Variants in NR3C1 observed in about 807,000 individuals in gnomAD.
The protein encoded by NR3C1 is glucocorticoid receptor.
In NR3C1, 14 loss-of-function variants were observed where a neutral mutation model predicts 74.0. The observed-to-expected ratio is 0.19, with a 90% confidence interval of 0.12 to 0.30. The LOEUF is 0.30. NR3C1 is among the 10% of genes least tolerant of loss of function. NR3C1 has a pLI of 1.00. For synonymous variants in NR3C1, 308 were observed against 332.5 expected (o/e 0.93, Z 0.80); for missense variants, 695 against 909.8 (o/e 0.76, Z 3.04).
intron 1 of NR3C1, 30 bp downstream of exon 1, chr5:143,403,181 G>C (rs946489877): frequency 2.0e-6 from 2 of 984,786 alleles, no homozygotes; most frequent in Non-Finnish European, 2.4e-6. Flanking sequence ...GAGCGAGCGC[G>C]CCCCGGCCCC....
chr5:143,389,879 T>A, intron 2 of NR3C1: 1 of 908,702 alleles, frequency 1.1e-6, no homozygotes, highest in Non-Finnish European at 1.3e-6. Context: ...AAACATTACC[T>A]GCCATGCTAG....
chr5:143,311,644 A>G (rs775585308), intron 3 of NR3C1, among the ~76,000 whole-genome samples: 8 of 151,724 alleles, frequency 5.3e-5, no homozygotes, highest in Non-Finnish European at 1.0e-4. Flanking sequence ...TCATTCCTTG[A>G]CTCATTTATT....
chr5:143,303,312 A>AAGCC (rs939768520), intron 4 of NR3C1, among the ~76,000 whole-genome samples: 6 of 151,972 alleles, frequency 3.9e-5, no homozygotes, highest in African/African-American at 1.4e-4. Flanking sequence ...CGTATATATA[A>AAGCC]AGCCATTATT....
intron 1 of NR3C1, chr5:143,402,585 G>A (rs1364715889): frequency 2.0e-6 from 2 of 985,166 alleles, no homozygotes; most frequent in African/African-American, 1.7e-5. Context: ...GAGGTTAAAA[G>A]AGAAGTACGT....
intron 2 of NR3C1, among the ~76,000 whole-genome samples, chr5:143,340,703 G>A (rs1828040574): frequency 1.3e-5 from 2 of 151,974 alleles, no homozygotes; most frequent in Admixed American, 1.3e-4. Context: ...GGCTGGTCTT[G>A]AACTCCTGAC....
At chr5:143,312,845 G>A (rs547218974) in intron 3 of NR3C1, among the ~76,000 whole-genome samples, 1 of 152,274 alleles carries the variant, frequency 6.6e-6, no homozygotes, top group African/African-American at 2.4e-5. Flanking sequence ...CTGCGTATGT[G>A]TTAAGTAACA....
intron 2 of NR3C1, among the ~76,000 whole-genome samples, chr5:143,394,228 T>C (rs1399430750): frequency 6.6e-6 from 1 of 152,054 alleles, no homozygotes; most frequent in South Asian, 2.1e-4. Context: ...TGCAGCTCTA[T>C]TGGGATGTAA....
intron 2 of NR3C1, among the ~76,000 whole-genome samples, chr5:143,360,915 G>A (rs923498709): frequency 6.6e-6 from 1 of 152,120 alleles, no homozygotes; most frequent in African/African-American, 2.4e-5. Context: ...GTTTTATCTT[G>A]AGTCTATCCA....
In NR3C1 at chr5:143,318,068, T is replaced by G. The variant is rs563373105; in HGVS notation, c.1185-3900A>C. ...TTAGTGCCATTTTAGGGGGTTTGTGTGGATTATATATATTAGAGTTATATA... is the reference window on the plus strand; with the variant it reads ...TTAGTGCCATTTTAGGGGGTTTGTGGGGATTATATATATTAGAGTTATATA... On this transcript the variant is annotated intron_variant, in intron 2 of 8. Coordinates refer to ENST00000394464, the MANE Select transcript of NR3C1 (RefSeq NM_000176.3). 3.3e-5 allele frequency among the ~76,000 whole-genome samples: 5 copies of G among 152,250 alleles called. No individual in the cohort carries two copies. In the South Asian group the frequency reaches 1.0e-3, roughly 32 times the overall value.
intron 2 of NR3C1, among the ~76,000 whole-genome samples, chr5:143,351,879 A>G (rs1830283909): frequency 6.6e-6 from 1 of 152,186 alleles, no homozygotes; most frequent in African/African-American, 2.4e-5. Context: ...CACCTATACT[A>G]CAAGCTAGTT....
At chr5:143,362,400 A>T (rs1383395573) in intron 2 of NR3C1, among the ~76,000 whole-genome samples, 2 of 149,350 alleles carry the variant, frequency 1.3e-5, no homozygotes, top group Non-Finnish European at 3.0e-5. Context: ...TTGCTCTGTC[A>T]CCCAGGCTGG....
chr5:143,359,005 A>C (rs907800618), intron 2 of NR3C1, among the ~76,000 whole-genome samples: 1 of 152,246 alleles, frequency 6.6e-6, no homozygotes, highest in Non-Finnish European at 1.5e-5. Flanking sequence ...AATTTATAAT[A>C]TTAATCTGCA....
chr5:143,347,793 T>G (rs1829565653), intron 2 of NR3C1, among the ~76,000 whole-genome samples: 1 of 152,240 alleles, frequency 6.6e-6, no homozygotes, highest in African/African-American at 2.4e-5. Context: ...AAATGCAGCT[T>G]TTATGCAACC....
chr5:143,418,668 G>A (rs1751050227), intron 1 of NR3C1, among the ~76,000 whole-genome samples: 1 of 152,198 alleles, frequency 6.6e-6, no homozygotes, highest in African/African-American at 2.4e-5. Flanking sequence ...GAAGGCAGGG[G>A]TCAGGGAAGG....
At chr5:143,310,886 G>A (rs1216566512) in intron 3 of NR3C1, among the ~76,000 whole-genome samples, 1 of 152,114 alleles carries the variant, frequency 6.6e-6, no homozygotes, top group Non-Finnish European at 1.5e-5. Context: ...TCGATCTCAG[G>A]ACCTCGTGAT....
chr5:143,361,381 T>C lies in NR3C1; in HGVS notation c.1184+38275A>G, dbSNP rs187482032. On this transcript the variant is annotated intron_variant, in intron 2 of 8. Transcript: ENST00000394464. ...ACTAGTATCAGTGCCTTAATTTTTCTACTTTCCATTGATTTCTCTAAAATA... is the reference window on the plus strand; with the variant it reads ...ACTAGTATCAGTGCCTTAATTTTTCCACTTTCCATTGATTTCTCTAAAATA... 2.4e-4 allele frequency among the ~76,000 whole-genome samples: 37 copies of C among 152,356 alleles called. 1 individual carries two copies. Among genetic ancestry groups the C allele is most frequent in the Admixed American group, 2.6e-4 (4 of 15,304 alleles).
intron 2 of NR3C1, among the ~76,000 whole-genome samples, chr5:143,358,757 G>A (rs780616268): frequency 3.1e-4 from 47 of 152,058 alleles, no homozygotes; most frequent in Admixed American, 1.8e-3. Context: ...AAAATTAGCC[G>A]GGCATGGTGG....
In NR3C1 at chr5:143,280,685, T is replaced by A. The variant is rs987836801; in HGVS notation, c.*1204A>T. 2.0e-5 allele frequency: 3 copies of A among 152,602 alleles called. No homozygotes were observed. Among genetic ancestry groups the A allele is most frequent in the Non-Finnish European group, 4.4e-5 (3 of 68,034 alleles). The allele number at this position is 152,602 out of a possible 1,614,324, so 9.5% of individuals were successfully genotyped here. A position where few individuals can be genotyped will look rare whatever the true frequency, so the allele number is the denominator to read the frequency against. ...AAAAATCAGTAGCTGAGCTTTCCTG[T>A]ACCATCAGGAAAGATTAACCAATTG... On this transcript the variant is annotated 3_prime_UTR_variant, in exon 9 of 9. Coordinates refer to ENST00000394464, the MANE Select transcript of NR3C1 (RefSeq NM_000176.3).
At chr5:143,309,125 G>C (rs1178540914) in intron 4 of NR3C1, among the ~76,000 whole-genome samples, 1 of 148,966 alleles carries the variant, frequency 6.7e-6, no homozygotes, top group Non-Finnish European at 1.5e-5. Flanking sequence ...CCAAGCTGGA[G>C]TACAGTGGTG....
Sources: allele counts gnomAD v4.1 joint callset (sites outside exome capture counted in the v4.1 genomes callset), GRCh38; gene constraint gnomAD v4.1.1; transcripts MANE v1.5; gene names NCBI Gene and HGNC (gene_info 2026-07-23, HGNC 2026-07-21).